Variants in FREM1 observed in about 807,000 individuals in gnomAD.
The protein encoded by FREM1 is FRAS1 related extracellular matrix 1.
In FREM1, 220 loss-of-function variants were observed where a neutral mutation model predicts 210.1. The ratio of observed to expected loss-of-function variants is 1.05; its 90% CI spans 0.94 to 1.17. The LOEUF (loss-of-function observed/expected upper bound fraction) is 1.17, where lower values mean the gene tolerates loss of function less well. Ranked by LOEUF, FREM1 falls within the 50% of genes most tolerant of loss-of-function variation. The probability of loss-of-function intolerance (pLI) is 0.00; values close to 1 mark genes in which losing one functional copy is unlikely to be tolerated. For missense variants in FREM1, 3,454 were observed against 2,675.5 expected (o/e 1.29, Z -6.42); for synonymous variants, 1,189 against 980.2 (o/e 1.21, Z -3.98).
chr9:14,785,842 G>C (rs1587962821), intron 23 of FREM1, among the ~76,000 whole-genome samples: 1 of 152,108 alleles, frequency 6.6e-6, no homozygotes, highest in East Asian at 1.9e-4. Flanking sequence ...GAGATTGGAT[G>C]GACAACAACA....
chr9:14,737,464 C>T lies in FREM1; in HGVS notation c.6472G>A (p.Gly2158Arg). The change falls in exon 37 of 37, where the codon GGG (glycine) becomes AGG (arginine). Residue 2158 changes from glycine to arginine, a missense_variant. Gly to Arg is a moderately radical substitution (Grantham distance 125, BLOSUM62 -2). Transcript: ENST00000380880. ...CTACAGTCTTTTGTTTGCCATTTCC[C>T]TTGTCTTTGAACCAAAACACAGCTC... ...GKSCVLVQRQ[G>R]KWQTKDCRRA... is the part of the protein sequence containing the mutation. 6.2e-7 allele frequency: 1 copy of T among 1,613,796 alleles called. No homozygotes were observed. Among genetic ancestry groups the T allele is most frequent in the Non-Finnish European group, 8.5e-7 (1 of 1,179,820 alleles).
At chr9:14,846,967 G>C (rs187954716) in intron 7 of FREM1, among the ~76,000 whole-genome samples, 198 of 152,238 alleles carry the variant, frequency 1.3e-3, no homozygotes, top group African/African-American at 4.7e-3. Context: ...CTCTAGTGGC[G>C]GCAGGACCAA....
At chr9:14,849,648 G>A (rs774536430) in intron 6 of FREM1, among the ~76,000 whole-genome samples, 4 of 152,202 alleles carry the variant, frequency 2.6e-5, no homozygotes, top group Non-Finnish European at 5.9e-5. Context: ...GACTGAACAG[G>A]AAACTACATG....
Position 14,842,307 on chromosome 9 carries a change from A to C in FREM1, c.1738+9T>G, listed in dbSNP as rs1352001123. 12 of 1,523,808 alleles carry C rather than the reference A, an allele frequency of 7.9e-6. No homozygotes were observed. Among genetic ancestry groups the C allele is most frequent in the African/African-American group, 1.4e-5 (1 of 72,534 alleles). The allele number at this position is 1,523,808 out of a possible 1,614,324, so 94.4% of individuals were successfully genotyped here. A position where few individuals can be genotyped will look rare whatever the true frequency, so the allele number is the denominator to read the frequency against. On this transcript the variant is annotated intron_variant, in intron 9 of 36. Transcript: ENST00000380880. ...TCCATTCAAATGATCTTAACTGCCC[A>C]GAACTTACCTATCAGTCCTGGCCCT...
At chr9:14,866,467 G>A (rs1831541360) in intron 2 of FREM1, among the ~76,000 whole-genome samples, 1 of 152,142 alleles carries the variant, frequency 6.6e-6, no homozygotes, top group Non-Finnish European at 1.5e-5. Context: ...GGAGAGGAGA[G>A]CTCTCAGAGG....
At chr9:14,808,675 C>T (rs1375728209) in intron 16 of FREM1, among the ~76,000 whole-genome samples, 2 of 152,064 alleles carry the variant, frequency 1.3e-5, no homozygotes, top group Admixed American at 1.3e-4. Context: ...ATATATTAGC[C>T]AGGATGTTTT....
In FREM1 at chr9:14,776,097, G is replaced by A. The variant is rs939205675; in HGVS notation, c.4549C>T (p.Leu1517=). The change falls in exon 25 of 37, where the codon CTG becomes TTG. Residue 1517 remains leucine (L), a synonymous_variant. Coordinates refer to ENST00000380880, the MANE Select transcript of FREM1 (RefSeq NM_001379081.2). The part of the protein sequence containing the change: ...PVVTRNKGLR[L]AQGAVGLLSP... ...AGCAGGCCCACGGCCCCTTGGGCCA[G>A]TCTCAACCCCTTGTTCCTGGTTACC... 14 of 1,608,454 alleles carry A rather than the reference G, an allele frequency of 8.7e-6. No homozygotes were observed. The highest frequency in any genetic ancestry group is 2.2e-5 in the South Asian group (2 of 90,594).
Position 14,824,140 on chromosome 9 carries a change from A to C in FREM1, c.2079-25T>G, listed in dbSNP as rs1262859245. On this transcript the variant is annotated intron_variant, in intron 11 of 36. Transcript: ENST00000380880. The stretch of plus-strand genomic sequence containing the variant: ...TCTAAAGAGAAATACAGAGGAGCAC[A>C]TCAGCTCATTTTTAGGTAAGAAAAA... 3 of 1,424,536 alleles carry C rather than the reference A, an allele frequency of 2.1e-6. No homozygotes were observed. The Admixed American group carries it at 5.8e-5, about 28-fold the overall frequency. 88.2% of individuals were successfully genotyped at this position (1,424,536 alleles called of 1,614,324 possible).
chr9:14,781,483 G>C (rs1485515392), intron 24 of FREM1, among the ~76,000 whole-genome samples: 2 of 152,072 alleles, frequency 1.3e-5, no homozygotes, highest in East Asian at 1.9e-4. Context: ...TTTTTAACTT[G>C]AATCAATGTA....
intron 2 of FREM1, among the ~76,000 whole-genome samples, chr9:14,867,182 TC>T (rs1831685015): frequency 6.6e-6 from 1 of 152,156 alleles, no homozygotes; most frequent in South Asian, 2.1e-4. Flanking sequence ...TCGACCCCAG[TC>T]CCTGTAGTTG....
At chr9:14,811,645 T>C (rs1285336775) in intron 16 of FREM1, among the ~76,000 whole-genome samples, 1 of 152,176 alleles carries the variant, frequency 6.6e-6, no homozygotes, top group Non-Finnish European at 1.5e-5. Flanking sequence ...GGTGAAGTGA[T>C]TAAAATGTCC....
chr9:14,746,299 A>T, intron 35 of FREM1, 54 bp downstream of exon 35: 1 of 1,262,374 alleles, frequency 7.9e-7, no homozygotes, highest in Non-Finnish European at 1.1e-6. Flanking sequence ...CCATGAGCAA[A>T]TAGAGAAATA....
intron 31 of FREM1, 111 bp from the exon 32 acceptor site, chr9:14,747,839 A>G (rs1587677550): frequency 3.5e-6 from 2 of 571,240 alleles, no homozygotes; most frequent in Non-Finnish European, 6.0e-6. Context: ...TACAAAACAT[A>G]TGTAATCTTA....
chr9:14,864,881 T>C lies in FREM1; in HGVS notation c.235-978A>G, dbSNP rs757562625. 2.5e-4 allele frequency among the ~76,000 whole-genome samples: 38 copies of C among 152,216 alleles called. 1 individual carries two copies. The highest frequency in any genetic ancestry group is 2.1e-3 in the Admixed American group (32 of 15,282). On this transcript the variant is annotated intron_variant, in intron 2 of 36. Transcript: ENST00000380880. The stretch of plus-strand genomic sequence containing the variant: ...AGATATCATTGATTCCTCTTTTAAA[T>C]TGACAACTAGGAAGGAGATAAAGCA...
At chr9:14,872,138 C>G (rs1468330002) in intron 1 of FREM1, among the ~76,000 whole-genome samples, 1 of 152,134 alleles carries the variant, frequency 6.6e-6, no homozygotes, top group Non-Finnish European at 1.5e-5. Context: ...TTAGGATTGA[C>G]TTGGCAATGC....
chr9:14,857,347 A>G (rs1406074527), intron 5 of FREM1, among the ~76,000 whole-genome samples: 2 of 152,222 alleles, frequency 1.3e-5, no homozygotes, highest in Non-Finnish European at 2.9e-5. Flanking sequence ...GAAGAGAACC[A>G]GAGAAGGGAA....
intron 10 of FREM1, among the ~76,000 whole-genome samples, chr9:14,830,345 G>A (rs138927521): frequency 7.9e-5 from 12 of 152,264 alleles, no homozygotes; most frequent in Admixed American, 2.0e-4. Flanking sequence ...AAGCAGGCTG[G>A]AGGGACACGG....
intron 3 of FREM1, among the ~76,000 whole-genome samples, chr9:14,862,304 T>C (rs1433089663): frequency 6.6e-6 from 1 of 152,238 alleles, no homozygotes; most frequent in Non-Finnish European, 1.5e-5. Context: ...ACTGTTCCAA[T>C]GTCTTGTACA....
chr9:14,900,158 C>T (rs1226789519), intron 1 of FREM1, among the ~76,000 whole-genome samples: 2 of 152,152 alleles, frequency 1.3e-5, no homozygotes, highest in Non-Finnish European at 2.9e-5. Flanking sequence ...GGGAAACACA[C>T]CAAGATGAGT....
Sources: allele counts gnomAD v4.1 joint callset (sites outside exome capture counted in the v4.1 genomes callset), GRCh38; gene constraint gnomAD v4.1.1; transcripts MANE v1.5; gene names NCBI Gene and HGNC (gene_info 2026-07-23, HGNC 2026-07-21).